Variants in GLI3 observed in about 807,000 individuals in gnomAD.
GLI3 encodes GLI family zinc finger 3, also known as transcription activator GLI3.
A neutral mutation model predicts 100.8 loss-of-function variants in GLI3; 20 were observed. The ratio of observed to expected loss-of-function variants is 0.20; its 90% confidence interval spans 0.14 to 0.29. The LOEUF (loss-of-function observed/expected upper bound fraction) is 0.29, where lower values mean the gene tolerates loss of function less well. GLI3 is among the 10% of genes least tolerant of loss of function. GLI3 has a pLI of 1.00. For synonymous variants in GLI3, 938 were observed against 860.5 expected (o/e 1.09, Z -1.58); for missense variants, 2,040 against 2,128.5 (o/e 0.96, Z 0.82).
chr7:42,251,307 C>T (rs1231249591), intron 1 of GLI3, among the ~76,000 whole-genome samples: 3 of 152,174 alleles, frequency 2.0e-5, no homozygotes, highest in African/African-American at 7.2e-5. Context: ...ATTAGATTCT[C>T]ACAAGCAGCA....
At chr7:42,103,123 G>A (rs938559373) in intron 3 of GLI3, among the ~76,000 whole-genome samples, 2 of 151,852 alleles carry the variant, frequency 1.3e-5, no homozygotes, top group African/African-American at 4.8e-5. Context: ...CTGGGGGAGA[G>A]TATGTTTCCA....
chr7:42,176,613 A>G (rs1787485570), intron 2 of GLI3, among the ~76,000 whole-genome samples: 1 of 152,250 alleles, frequency 6.6e-6, no homozygotes, highest in Non-Finnish European at 1.5e-5. Context: ...TTATGGGTCT[A>G]AGACAATCTG....
chr7:42,075,526 C>T (rs930946045), intron 4 of GLI3, among the ~76,000 whole-genome samples: 5 of 152,188 alleles, frequency 3.3e-5, no homozygotes, highest in African/African-American at 1.2e-4. Context: ...AAATTGGCCT[C>T]CTGGTTTTAT....
intron 6 of GLI3, among the ~76,000 whole-genome samples, chr7:42,043,498 A>G (rs986174972): frequency 2.0e-5 from 3 of 152,228 alleles, no homozygotes; most frequent in Non-Finnish European, 4.4e-5. Context: ...CTTCTTAAAT[A>G]TAAGCCAGAG....
intron 3 of GLI3, among the ~76,000 whole-genome samples, chr7:42,105,385 A>AG: frequency 6.6e-6 from 1 of 152,318 alleles, no homozygotes; most frequent in Middle Eastern, 3.4e-3. Context: ...CTTGTTTCTG[A>AG]GAAGCATAAA....
intron 3 of GLI3, among the ~76,000 whole-genome samples, chr7:42,133,466 C>A (rs528172903): frequency 6.6e-6 from 1 of 152,076 alleles, no homozygotes; most frequent in East Asian, 1.9e-4. Context: ...CTAATTGCAC[C>A]GAGTTCCCTC....
intron 2 of GLI3, among the ~76,000 whole-genome samples, chr7:42,165,917 T>C (rs1483990533): frequency 1.3e-5 from 2 of 152,224 alleles, no homozygotes; most frequent in Non-Finnish European, 2.9e-5. Flanking sequence ...ATATTAAATC[T>C]TAATGTCAAG....
At chr7:42,235,570 G>A (rs1468852967) in intron 1 of GLI3, among the ~76,000 whole-genome samples, 2 of 152,126 alleles carry the variant, frequency 1.3e-5, no homozygotes, top group African/African-American at 4.8e-5. Context: ...CATTTAAGAG[G>A]GAAAGGCCTA....
chr7:42,026,336 T>C lies in GLI3; in HGVS notation c.1105A>G (p.Ser369Gly), dbSNP rs1325815708. 3.7e-6 allele frequency: 6 copies of C among 1,613,918 alleles called. No homozygotes were observed. The highest frequency in any genetic ancestry group is 1.3e-5 in the African/African-American group (1 of 74,882). The change falls in exon 8 of 15, where the codon AGC (serine) becomes GGC (glycine). Residue 369 changes from serine (S) to glycine (G), a missense_variant. Ser to Gly is a moderately conservative substitution (Grantham distance 56). Around this residue, in one of 5 missense-constraint regions of GLI3, gnomAD observed 603 missense variants for 690.9 expected, o/e 0.87. Transcript: ENST00000395925. ...CTGTGTCCAAAGGCTGAACCTAAGCTCTGTTGTCGGCTTAGGATCTGCTGA... is the reference window on the plus strand; with the variant it reads ...CTGTGTCCAAAGGCTGAACCTAAGCCCTGTTGTCGGCTTAGGATCTGCTGA... ...MHQQILSRQQ[S>G]LGSAFGHSPP... is the part of the protein sequence containing the mutation.
chr7:42,096,023 G>C (rs1348393024), intron 3 of GLI3, among the ~76,000 whole-genome samples: 1 of 152,170 alleles, frequency 6.6e-6, no homozygotes, highest in Non-Finnish European at 1.5e-5. Context: ...GCCAGAGGGA[G>C]GAGGCAGTTT....
At chr7:42,132,558 G>A (rs939408663) in intron 3 of GLI3, among the ~76,000 whole-genome samples, 59 of 152,038 alleles carry the variant, frequency 3.9e-4, no homozygotes, top group African/African-American at 1.0e-3. Flanking sequence ...TAATCAAATA[G>A]TCATCGCATA....
intron 4 of GLI3, among the ~76,000 whole-genome samples, chr7:42,055,659 C>A (rs1784444927): frequency 6.6e-6 from 1 of 152,160 alleles, no homozygotes; most frequent in African/African-American, 2.4e-5. Context: ...TCTGTACATA[C>A]CCACTCCATC....
chr7:41,964,600 C>G lies in GLI3; in HGVS notation c.4473G>C (p.Val1491=). The change falls in exon 15 of 15, where the codon GTG becomes GTC. Residue 1491 remains valine, a synonymous_variant. Coordinates refer to ENST00000395925, the MANE Select transcript of GLI3 (RefSeq NM_000168.6). ...SPGANQVTST[V]DSLDSHDLEG... is the part of the protein sequence containing the mutation. ...CCAGGTCATGGCTGTCGAGGCTGTC[C>G]ACTGTGCTTGTCACCTGATTAGCAC... 1 of 1,614,168 alleles carries G rather than the reference C, an allele frequency of 6.2e-7. No individual in the cohort carries two copies. The highest frequency in any genetic ancestry group is 1.1e-5 in the South Asian group (1 of 91,088).
chr7:41,965,031 T>C lies in GLI3; in HGVS notation c.4042A>G (p.Ile1348Val), dbSNP rs1261567937. The C allele has an allele frequency of 1.2e-6, 2 of 1,613,792 alleles. No individual in the cohort carries two copies. The highest frequency in any genetic ancestry group is 1.3e-5 in the African/African-American group (1 of 74,938). The change falls in exon 15 of 15, where the codon ATT becomes GTT. Residue 1348 changes from isoleucine to valine, a missense_variant. By Grantham distance (29) the Ile-to-Val change is conservative (BLOSUM62 3). Coordinates refer to ENST00000395925, the MANE Select transcript of GLI3 (RefSeq NM_000168.6). ...GRPGQQMLGQ[I>V]SATSHINIYQ... ...ATGTTGATGTGTGAGGTAGCACTAATCTGCCCAAGCATCTGCTGACCGGGG... is the reference window on the plus strand; with the variant it reads ...ATGTTGATGTGTGAGGTAGCACTAACCTGCCCAAGCATCTGCTGACCGGGG...
At chr7:42,252,757 C>G (rs1789047360) in intron 1 of GLI3, among the ~76,000 whole-genome samples, 1 of 152,122 alleles carries the variant, frequency 6.6e-6, no homozygotes, top group African/African-American at 2.4e-5. Flanking sequence ...AACACTTGAG[C>G]TTGCTTCCAC....
intron 2 of GLI3, among the ~76,000 whole-genome samples, chr7:42,220,594 C>T (rs1562791062): frequency 2.0e-5 from 3 of 152,166 alleles, no homozygotes; most frequent in East Asian, 1.9e-4. Flanking sequence ...CAGCAATCCA[C>T]GCCCCTCAGC....
chr7:41,977,570 C>T lies in GLI3; in HGVS notation c.1800G>A (p.Thr600=), dbSNP rs138445547. ...TGAGGATGCTTACCTCATTGGAATG[C>T]GTTCTGTTTTGGTGTTTGGCGCGAT... is the stretch of plus-strand genomic sequence containing the variant. The part of the protein sequence containing the change: ...ASDRAKHQNR[T]HSNEKPYVCK... Residue 600 remains threonine (T), a synonymous_variant, in exon 12 of 15, where the codon ACG becomes ACA. Coordinates refer to ENST00000395925, the MANE Select transcript of GLI3 (RefSeq NM_000168.6). The T allele has an allele frequency of 2.6e-5, 42 of 1,614,004 alleles. No individual in the cohort carries two copies. The highest frequency in any genetic ancestry group is 1.6e-4 in the Middle Eastern group (1 of 6,080).
At position 41,965,213 on chromosome 7, in the gene GLI3, T is replaced by C. The variant is rs1172591811; in HGVS notation, c.3860A>G (p.Gln1287Arg). 1 of 1,613,816 alleles carries C rather than the reference T, an allele frequency of 6.2e-7. No individual in the cohort carries two copies. Among genetic ancestry groups the C allele is most frequent in the Non-Finnish European group, 8.5e-7 (1 of 1,180,018 alleles). ...QASKLKSTPM[Q>R]GSGGQLNFGL... ...GAAATTCAGCTGGCCCCCGCTCCCT[T>C]GCATGGGGGTGCTCTTCAGCTTTGA... The change falls in exon 15 of 15, where the codon CAA (glutamine) becomes CGA (arginine). Residue 1287 changes from glutamine to arginine, a missense_variant. Gln to Arg is a conservative substitution (Grantham distance 43). Transcript: ENST00000395925.
At chr7:42,231,126 C>A (rs555235939) in intron 1 of GLI3, among the ~76,000 whole-genome samples, 44 of 152,292 alleles carry the variant, frequency 2.9e-4, no homozygotes, top group South Asian at 8.3e-4. Flanking sequence ...TACAGTAAGG[C>A]TTAAGGGAGT....
Sources: allele counts gnomAD v4.1 joint callset (sites outside exome capture counted in the v4.1 genomes callset), GRCh38; gene constraint gnomAD v4.1.1; regional missense constraint gnomAD v4.1.1; transcripts MANE v1.5; gene names NCBI Gene and HGNC (gene_info 2026-07-23, HGNC 2026-07-21).